Variants in OSBPL10 observed in about 807,000 individuals in gnomAD.
OSBPL10 encodes the protein oxysterol-binding protein-related protein 10.
Under a neutral mutation model 81.7 loss-of-function variants are expected in OSBPL10, and 49 were observed. The ratio of observed to expected loss-of-function variants is 0.60; its 90% CI spans 0.48 to 0.76. The LOEUF (loss-of-function observed/expected upper bound fraction) is 0.76, where lower values mean the gene tolerates loss of function less well. OSBPL10 is among the 30% of genes least tolerant of loss of function. OSBPL10 has a pLI of 0.00. For synonymous variants in OSBPL10, 419 were observed against 383.6 expected (o/e 1.09, Z -1.08); for missense variants, 923 against 987.8 (o/e 0.93, Z 0.88).
intron 3 of OSBPL10, among the ~76,000 whole-genome samples, chr3:31,851,756 G>T (rs1024368426): frequency 1.1e-4 from 16 of 152,214 alleles, no homozygotes; most frequent in Admixed American, 1.0e-3. Context: ...GGCAAAGGGG[G>T]TCTCAGACTG....
chr3:31,662,820 CT>C (rs748508213), intron 11 of OSBPL10: 73 of 985,288 alleles, frequency 7.4e-5, no homozygotes, highest in Non-Finnish European at 8.4e-5. Flanking sequence ...GACAAACTAG[CT>C]CTCTCAAGCT....
intron 1 of OSBPL10, among the ~76,000 whole-genome samples, chr3:31,905,588 G>A (rs1306731756): frequency 1.3e-5 from 2 of 151,874 alleles, no homozygotes; most frequent in Non-Finnish European, 2.9e-5. Flanking sequence ...GACCTCAAGT[G>A]ATCCACCTGC....
chr3:32,028,910 A>G (rs539191857), intron 2 of OSBPL10, among the ~76,000 whole-genome samples: 2 of 144,324 alleles, frequency 1.4e-5, no homozygotes, highest in Non-Finnish European at 3.0e-5. Flanking sequence ...ATATTGTTAC[A>G]GTAGGTAGCT....
chr3:31,908,752 T>C (rs572995784), intron 1 of OSBPL10, among the ~76,000 whole-genome samples: 1 of 152,192 alleles, frequency 6.6e-6, no homozygotes, highest in Non-Finnish European at 1.5e-5. Context: ...TCCATTTCCA[T>C]AGGCCAGGAT....
intron 5 of OSBPL10, among the ~76,000 whole-genome samples, chr3:31,741,686 A>C (rs905240611): frequency 6.6e-6 from 1 of 152,124 alleles, no homozygotes; most frequent in Non-Finnish European, 1.5e-5. Context: ...TTCTCCTGAT[A>C]TCCTATTGAT....
chr3:31,942,693 T>C (rs1697574197), intron 1 of OSBPL10, among the ~76,000 whole-genome samples: 1 of 152,066 alleles, frequency 6.6e-6, no homozygotes, highest in Non-Finnish European at 1.5e-5. Flanking sequence ...GGCATGTCTG[T>C]AGGGGTAAAA....
chr3:32,003,915 G>C (rs1042790621), intron 2 of OSBPL10, among the ~76,000 whole-genome samples: 1 of 152,124 alleles, frequency 6.6e-6, no homozygotes, highest in African/African-American at 2.4e-5. Flanking sequence ...GGGCTCTTTT[G>C]GACTTGTTCA....
rs1700077956 is a variant in OSBPL10, at chr3:31,661,856, T to A, written c.*216A>T. 1.8e-6 allele frequency: 1 copy of A among 569,040 alleles called. No homozygotes were observed. Among genetic ancestry groups the A allele is most frequent in the Admixed American group, 3.5e-5 (1 of 28,436 alleles). The allele number at this position is 569,040 out of a possible 1,614,324, so 35.2% of individuals were successfully genotyped here. Reference sequence around the variant, plus strand: ...TGCATGTGTGTGAACGTATACGGTGTGTACACACACGTGCCCCGAATGGCT... The same window carrying A: ...TGCATGTGTGTGAACGTATACGGTGAGTACACACACGTGCCCCGAATGGCT... On this transcript the variant is annotated 3_prime_UTR_variant, in exon 12 of 12. Coordinates refer to ENST00000396556, the MANE Select transcript of OSBPL10 (RefSeq NM_017784.5).
intron 2 of OSBPL10, among the ~76,000 whole-genome samples, chr3:32,020,123 C>T (rs1386378045): frequency 2.0e-5 from 3 of 152,200 alleles, no homozygotes; most frequent in African/African-American, 7.2e-5. Flanking sequence ...TTTGTTGCAG[C>T]ATTTGATTTT....
At chr3:32,024,110 T>C (rs1699381683) in intron 2 of OSBPL10, among the ~76,000 whole-genome samples, 1 of 152,248 alleles carries the variant, frequency 6.6e-6, no homozygotes, top group Admixed American at 6.5e-5. Flanking sequence ...TACTGTCGTT[T>C]TAATGGTAAA....
In OSBPL10 at chr3:31,755,246, G is replaced by T. The variant is rs148426147; in HGVS notation, c.730-7126C>A. On this transcript the variant is annotated intron_variant, in intron 4 of 11. Transcript: ENST00000396556. The stretch of plus-strand genomic sequence containing the variant: ...AGCTGCACCTTGCCCCCAACTCTGG[G>T]TAGGAGGGGAGTCTCAGGCCCGAAG... Among the ~76,000 whole-genome samples, 424 of 152,276 alleles carry T rather than the reference G, an allele frequency of 2.8e-3. 2 individuals carry two copies. The highest frequency in any genetic ancestry group is 5.0e-3 in the Non-Finnish European group (340 of 68,006).
chr3:31,678,294 G>A (rs958517318), intron 8 of OSBPL10, among the ~76,000 whole-genome samples: 3 of 152,182 alleles, frequency 2.0e-5, no homozygotes, highest in African/African-American at 7.2e-5. Context: ...AAGGACAAGG[G>A]TGCAGGGAAG....
At chr3:31,663,269 A>C in intron 11 of OSBPL10, 1 of 984,942 alleles carries the variant, frequency 1.0e-6, no homozygotes, top group Non-Finnish European at 1.2e-6. Flanking sequence ...ATAAAAATTT[A>C]GATTTCTGGC....
chr3:31,930,003 CA>C (rs57256301), intron 1 of OSBPL10, among the ~76,000 whole-genome samples: 9,588 of 72,692 alleles, frequency 0.13, 1,062 homozygotes, highest in East Asian at 0.45. Flanking sequence ...TGTCACCAAC[CA>C]AAAAAAAAAA....
chr3:32,043,326 G>A (rs1034359093), intron 2 of OSBPL10, among the ~76,000 whole-genome samples: 10 of 152,116 alleles, frequency 6.6e-5, no homozygotes, highest in African/African-American at 2.4e-4. Context: ...AGACCTTATG[G>A]TTGTCTTCCC....
At chr3:31,748,361 G>A (rs745837219) in intron 4 of OSBPL10, among the ~76,000 whole-genome samples, 5 of 152,132 alleles carry the variant, frequency 3.3e-5, no homozygotes, top group Non-Finnish European at 7.3e-5. Context: ...GGCCATTAGG[G>A]CCATCTGGGT....
intron 2 of OSBPL10, among the ~76,000 whole-genome samples, chr3:32,003,642 C>A (rs1699174046): frequency 6.6e-6 from 1 of 152,156 alleles, no homozygotes; most frequent in Non-Finnish European, 1.5e-5. Flanking sequence ...ACAGGATAAT[C>A]CTCTTTCTCG....
chr3:32,007,713 CT>C (rs974920402), intron 2 of OSBPL10, among the ~76,000 whole-genome samples: 8 of 149,572 alleles, frequency 5.3e-5, no homozygotes, highest in South Asian at 2.1e-4. Context: ...AAAATTCTTT[CT>C]TTTTTTTTTG....
intron 1 of OSBPL10, among the ~76,000 whole-genome samples, chr3:31,907,620 A>C (rs11714403): frequency 0.26 from 5,025 of 19,378 alleles, 107 homozygotes; most frequent in Admixed American, 0.29. Context: ...CCTCCATCTC[A>C]AAAAAAAAAA....
Sources: allele counts gnomAD v4.1 joint callset (sites outside exome capture counted in the v4.1 genomes callset), GRCh38; gene constraint gnomAD v4.1.1; transcripts MANE v1.5; gene names NCBI Gene and HGNC (gene_info 2026-07-23, HGNC 2026-07-21).